ETV5: variants seen among roughly 807,000 people sequenced by gnomAD.
ETV5 encodes the protein ETS variant transcription factor 5.
A neutral mutation model predicts 70.0 loss-of-function variants in ETV5; 10 were observed. The observed-to-expected ratio is 0.14, with a 90% CI of 0.09 to 0.24. The LOEUF is 0.24. Ranked by LOEUF, ETV5 falls within the 10% of genes least tolerant of loss-of-function variation. The probability of loss-of-function intolerance (pLI) is 1.00; values close to 1 mark genes in which losing one functional copy is unlikely to be tolerated. For missense variants in ETV5, 453 were observed against 651.2 expected, an observed-to-expected ratio of 0.70 and a Z score of 3.31; for synonymous variants, 216 against 242.2, an observed-to-expected ratio of 0.89 and a Z score of 1.01.
Position 186,064,421 on chromosome 3 carries a change from A to G in ETV5, c.966T>C (p.His322=). The change falls in exon 9 of 13, where the codon CAT becomes CAC. Residue 322 remains histidine (H), a synonymous_variant. Transcript: ENST00000306376. ...YMRGGYFSSS[H]EGFSYEKDPR... is the part of the protein sequence containing the mutation. ...AAAGAAAAGCAGGTTCCTTACCTTCATGGCTGCTGGAGAAATAACCCCCTC... is the reference window on the plus strand; with the variant it reads ...AAAGAAAAGCAGGTTCCTTACCTTCGTGGCTGCTGGAGAAATAACCCCCTC... 6.2e-7 allele frequency: 1 copy of G among 1,614,152 alleles called. No homozygotes were observed. The highest frequency in any genetic ancestry group is 1.1e-5 in the South Asian group (1 of 91,088).
intron 9 of ETV5, among the ~76,000 whole-genome samples, chr3:186,060,111 T>C (rs982046334): frequency 6.6e-6 from 1 of 152,228 alleles, no homozygotes; most frequent in Non-Finnish European, 1.5e-5. Flanking sequence ...ATGGTCTTAT[T>C]ATAAAGTCAT....
intron 7 of ETV5, among the ~76,000 whole-genome samples, chr3:186,075,787 A>T (rs144576049): frequency 6.4e-4 from 97 of 152,316 alleles, no homozygotes; most frequent in African/African-American, 2.2e-3. Context: ...CAGGTACAGG[A>T]GCATTTTCTT....
intron 7 of ETV5, chr3:186,078,191 T>G (rs558788404): frequency 1.9e-6 from 2 of 1,051,194 alleles, no homozygotes; most frequent in African/African-American, 3.3e-5. Context: ...AGTTAACTGT[T>G]AATACAGTAT....
At chr3:186,051,111 C>G (rs1474938364) in intron 12 of ETV5, among the ~76,000 whole-genome samples, 15 of 152,206 alleles carry the variant, frequency 9.9e-5, no homozygotes, top group Non-Finnish European at 1.5e-5. Context: ...GTATGACGCA[C>G]TAGCAAGTCT....
chr3:186,095,973 G>A (rs1357939500), intron 5 of ETV5, among the ~76,000 whole-genome samples: 1 of 152,184 alleles, frequency 6.6e-6, no homozygotes, highest in African/African-American at 2.4e-5. Context: ...ATAAACACGT[G>A]ACAGGGCTCC....
chr3:186,079,043 T>C, intron 7 of ETV5: 1 of 1,065,132 alleles, frequency 9.4e-7, no homozygotes, highest in Non-Finnish European at 1.1e-6. Context: ...ATGGCCACCA[T>C]CTTGCATCCT....
In ETV5 at chr3:186,054,230, G is replaced by T. The variant is rs1437476148; in HGVS notation, c.1210-2099C>A. Among the ~76,000 whole-genome samples the T allele has an allele frequency of 1.3e-5, 2 of 152,204 alleles. No homozygotes were observed. Among genetic ancestry groups the T allele is most frequent in the Non-Finnish European group, 2.9e-5 (2 of 68,038 alleles). The stretch of plus-strand genomic sequence containing the variant: ...TTAGGGCTGCCCCTCTTCTGGGACT[G>T]GGGAGGCAGGCAATAGCTTGTCATC... On this transcript the variant is annotated intron_variant, in intron 11 of 12. Transcript: ENST00000306376. This position sits in a 1 kb window ranked among gnomAD's most constrained non-coding sequence, Gnocchi z 4.4.
intron 6 of ETV5, among the ~76,000 whole-genome samples, 182 bp from the exon 7 acceptor site, chr3:186,080,286 G>A (rs922408386): frequency 2.6e-5 from 4 of 152,088 alleles, no homozygotes; most frequent in African/African-American, 4.8e-5. Flanking sequence ...AACACACTGC[G>A]TCACAGGGAC....
chr3:186,080,237 G>T (rs978687904), intron 6 of ETV5, 133 bp from the exon 7 acceptor site: 1 of 619,512 alleles, frequency 1.6e-6, no homozygotes, highest in Non-Finnish European at 2.5e-6. Context: ...TAAATCGCTC[G>T]TAGCCCCGAG....
chr3:186,048,989 C>T, intron 12 of ETV5, 129 bp from the exon 13 acceptor site: 1 of 720,380 alleles, frequency 1.4e-6, no homozygotes, highest in South Asian at 1.8e-5. Flanking sequence ...ATCACTCAGA[C>T]TTATTTTGAG....
chr3:186,079,499 C>G (rs1369743167), intron 7 of ETV5, among the ~76,000 whole-genome samples: 1 of 152,138 alleles, frequency 6.6e-6, no homozygotes, highest in African/African-American at 2.4e-5. Context: ...AGTCAGGAAC[C>G]TGCCCTCAGT....
At chr3:186,107,211 C>T (rs1714609298) in intron 1 of ETV5, among the ~76,000 whole-genome samples, 1 of 152,216 alleles carries the variant, frequency 6.6e-6, no homozygotes, top group African/African-American at 2.4e-5. Context: ...CAGTTCATAA[C>T]TTCCTAGAAA....
intron 11 of ETV5, among the ~76,000 whole-genome samples, chr3:186,053,402 C>T (rs543042400): frequency 1.3e-5 from 2 of 152,122 alleles, no homozygotes; most frequent in Non-Finnish European, 2.9e-5. Context: ...GCACCCGGCC[C>T]CTTCGATATT....
chr3:186,066,088 G>A lies in ETV5; in HGVS notation c.651-16C>T, dbSNP rs1291252494. On this transcript the variant is annotated splice_polypyrimidine_tract_variant and intron_variant, in intron 7 of 12. Transcript: ENST00000306376. ...TCTCTGAAATCTGTAAGAAGAAAGA[G>A]GTTTTCATGTTGAACAAAGACTTGA... The A allele has an allele frequency of 1.9e-6, 3 of 1,549,194 alleles. No homozygotes were observed. Among genetic ancestry groups the A allele is most frequent in the Non-Finnish European group, 1.7e-6 (2 of 1,150,406 alleles).
At chr3:186,077,213 T>C (rs191868978) in intron 7 of ETV5, among the ~76,000 whole-genome samples, 2 of 152,340 alleles carry the variant, frequency 1.3e-5, no homozygotes, top group African/African-American at 4.8e-5. Flanking sequence ...TACCATATAT[T>C]TGTATTAGGG....
intron 5 of ETV5, among the ~76,000 whole-genome samples, chr3:186,086,283 G>A (rs1234368809): frequency 1.3e-5 from 2 of 152,192 alleles, no homozygotes; most frequent in Non-Finnish European, 2.9e-5. Context: ...TTTAAATTTA[G>A]ATGTGATGCT....
intron 7 of ETV5, 123 bp from the exon 8 acceptor site, chr3:186,066,195 T>C: frequency 1.3e-6 from 1 of 787,032 alleles, no homozygotes; most frequent in South Asian, 4.3e-5. Context: ...TAATGCTTAT[T>C]TCTGGGCATT....
intron 5 of ETV5, among the ~76,000 whole-genome samples, chr3:186,099,960 A>G (rs975857993): frequency 3.3e-5 from 5 of 152,246 alleles, no homozygotes; most frequent in African/African-American, 1.2e-4. Context: ...TCAGTTTTAA[A>G]TAAGCCTAAC....
intron 7 of ETV5, among the ~76,000 whole-genome samples, chr3:186,069,520 TA>T (rs142248661): frequency 6.8e-5 from 10 of 147,570 alleles, no homozygotes; most frequent in African/African-American, 1.8e-4. Flanking sequence ...TTTTTTTTTT[TA>T]AAAAAAGTCT....
Sources: gnomAD v4.1 joint callset for allele counts (sites outside exome capture counted in the v4.1 genomes callset) on GRCh38, gnomAD v4.1.1 for gene constraint, Gnocchi (gnomAD v3.1) non-coding constraint, MANE v1.5 for transcripts, NCBI Gene and HGNC (gene_info 2026-07-23, HGNC 2026-07-21) for gene names.